The following CHPF variants were observed in gnomAD, a reference collection of about 807,000 sequenced individuals.
CHPF encodes the protein chondroitin polymerizing factor.
Under a neutral mutation model 55.1 loss-of-function variants are expected in CHPF, and 34 were observed. The ratio of observed to expected loss-of-function variants is 0.62; its 90% CI spans 0.47 to 0.82. The LOEUF is 0.82. Among genes scored for constraint, CHPF ranks in the 40% least tolerant of loss-of-function variants. The pLI is 0.00. For synonymous variants in CHPF, 489 were observed against 496.6 expected (o/e 0.98, Z 0.20); for missense variants, 961 against 1,106.1 (o/e 0.87, Z 1.86).
chr2:219,539,381 G>A lies in CHPF; in HGVS notation c.*2C>T, dbSNP rs1291345029. The A allele has an allele frequency of 5.0e-6, 8 of 1,592,618 alleles. No homozygotes were observed. The highest frequency in any genetic ancestry group is 6.9e-6 in the Non-Finnish European group (8 of 1,165,380). On this transcript the variant is annotated 3_prime_UTR_variant, in exon 4 of 4. Coordinates refer to ENST00000243776, the MANE Select transcript of CHPF (RefSeq NM_024536.6). Reference sequence around the variant, plus strand: ...GCCACGGCCCACGGGGACAGGGTGGGGTCAGGTGCTGTTGCCCTGCTCCTG... The same window carrying A: ...GCCACGGCCCACGGGGACAGGGTGGAGTCAGGTGCTGTTGCCCTGCTCCTG...
At chr2:219,542,782 CATT>C in intron 1 of CHPF, 1 of 368,826 alleles carries the variant, frequency 2.7e-6, no homozygotes, top group Non-Finnish European at 3.8e-6. Flanking sequence ...TCAGCAGAGA[CATT>C]AATGAGATAG....
Position 219,541,738 on chromosome 2 carries a change from G to A in CHPF, c.766C>T (p.Leu256=). 3 of 1,610,744 alleles carry A rather than the reference G, an allele frequency of 1.9e-6. No individual in the cohort carries two copies. The highest frequency in any genetic ancestry group is 2.5e-6 in the Non-Finnish European group (3 of 1,178,616). ...TCCAGGTGGGGGCGCAGTTGTTGCA[G>A]CAGCATGCGCGACAGCAGCACCCCA... ...GFGVLLSRML[L]QQLRPHLEGC... is the part of the protein sequence containing the mutation. The change falls in exon 2 of 4, where the codon CTG becomes TTG. Residue 256 remains leucine, a synonymous_variant. Coordinates refer to ENST00000243776, the MANE Select transcript of CHPF (RefSeq NM_024536.6).
chr2:219,543,694 C>A lies in CHPF; in HGVS notation c.-156G>T, dbSNP rs933902671. On this transcript the variant is annotated 5_prime_UTR_variant, in exon 1 of 4. Transcript: ENST00000243776. ...GCAGAGCAGAGCCAGCGGCCCGAGC[C>A]GAATCCCCGGAGCCGCGCCTCGATT... is the stretch of plus-strand genomic sequence containing the variant. 1 of 488,546 alleles carries A rather than the reference C, an allele frequency of 2.0e-6. No individual in the cohort carries two copies. The highest frequency in any genetic ancestry group is 3.3e-6 in the Non-Finnish European group (1 of 298,926). 30.3% of individuals were successfully genotyped at this position (488,546 alleles called of 1,614,324 possible).
chr2:219,539,986 C>G lies in CHPF; in HGVS notation c.1725G>C (p.Arg575=). The G allele has an allele frequency of 1.9e-6, 3 of 1,613,700 alleles. No individual in the cohort carries two copies. Among genetic ancestry groups the G allele is most frequent in the Non-Finnish European group, 2.5e-6 (3 of 1,179,952 alleles). Residue 575 remains arginine, a synonymous_variant, in exon 4 of 4, where the codon CGG becomes CGC. Transcript: ENST00000243776. The part of the protein sequence containing the change: ...PVKAHVAELE[R]RFPGARVPWL... Reference sequence around the variant, plus strand: ...ATGGCACCCGGGCACCGGGGAAACGCCGCTCCAGCTCTGCCACGTGGGCCT... The same window carrying G: ...ATGGCACCCGGGCACCGGGGAAACGGCGCTCCAGCTCTGCCACGTGGGCCT...
Position 219,540,280 on chromosome 2 carries a change from G to A in CHPF, c.1431C>T (p.Gly477=). ...GCACTCGGCGAGTGAGGGGCCGGCG[G>A]CCTCCCTGGGGGGTCAGTGCCTCCA... ...LQLEALTPQG[G]RRPLTRRVQL... is the part of the protein sequence containing the mutation. Residue 477 remains glycine (G), a synonymous_variant, in exon 4 of 4, where the codon GGC becomes GGT. Transcript: ENST00000243776. 2 of 1,613,820 alleles carry A rather than the reference G, an allele frequency of 1.2e-6. No individual in the cohort carries two copies. Among genetic ancestry groups the A allele is most frequent in the Non-Finnish European group, 1.7e-6 (2 of 1,179,896 alleles).
intron 3 of CHPF, 48 bp downstream of exon 3, chr2:219,540,898 C>T: frequency 1.3e-6 from 2 of 1,594,216 alleles, no homozygotes; most frequent in East Asian, 2.2e-5. Context: ...TCTGTGACTT[C>T]TCAGATCCTG....
At position 219,540,351 on chromosome 2, in the gene CHPF, G is replaced by A. The variant is rs11556306; in HGVS notation, c.1360C>T (p.Arg454Cys). 180 of 1,613,876 alleles carry A rather than the reference G, an allele frequency of 1.1e-4. No individual in the cohort carries two copies. Among genetic ancestry groups the A allele is most frequent in the Non-Finnish European group, 1.4e-4 (165 of 1,180,004 alleles). The change falls in exon 4 of 4, where the codon CGC (arginine) becomes TGC (cysteine). Residue 454 changes from arginine (R) to cysteine (C), a missense_variant. Arg to Cys is a radical substitution (Grantham distance 180). This residue lies in a region of CHPF where 936 missense variants were observed against 1,058.4 expected (regional missense o/e 0.88). Transcript: ENST00000243776. ...TCCATACCCCGGGCCGGATCAAAGC[G>A]TCGGTAGCCATTCACCAGCTGCTGC... ...QKQQLVNGYR[R>C]FDPARGMEYT...
rs757201388 is a variant in CHPF, at chr2:219,541,802, G to A, written c.702C>T (p.Gly234=). Residue 234 remains glycine, a synonymous_variant, in exon 2 of 4, where the codon GGC becomes GGT. Transcript: ENST00000243776. ...AGTAGCGGCCGGGGGTGGGCTCTCC[G>A]CCGATGAAGTCCTGGGGCCGGCCCA... is the stretch of plus-strand genomic sequence containing the variant. ...LYLGRPQDFI[G]GEPTPGRYCH... 8.1e-6 allele frequency: 13 copies of A among 1,606,618 alleles called. No homozygotes were observed. The highest frequency in any genetic ancestry group is 4.4e-5 in the South Asian group (4 of 90,372).
chr2:219,542,826 A>T (rs1362959733), intron 1 of CHPF: 2 of 845,198 alleles, frequency 2.4e-6, no homozygotes, highest in African/African-American at 3.6e-5. Context: ...TCTCACCCTG[A>T]GGTGGCCCTT....
intron 2 of CHPF, chr2:219,541,409 A>G: frequency 1.8e-6 from 1 of 561,036 alleles, no homozygotes; most frequent in Non-Finnish European, 3.0e-6. Context: ...TAATCCTTGT[A>G]ACAACCCCGA....
intron 1 of CHPF, 46 bp from the exon 2 acceptor site, chr2:219,542,235 G>T: frequency 3.2e-6 from 1 of 312,182 alleles, no homozygotes. Flanking sequence ...CAACGGGGCG[G>T]GGGGTGGGGG....
Position 219,543,298 on chromosome 2 carries a change from C to T in CHPF, c.241G>A (p.Gly81Arg). The change falls in exon 1 of 4, where the codon GGG (glycine) becomes AGG (arginine). Residue 81 changes from glycine to arginine, a missense_variant. Transcript: ENST00000243776. Reference protein sequence around the residue: ...REKPGAGEGAGENWEPRVLPY... With the variant: ...REKPGAGEGARENWEPRVLPY... ...AAGACGCGCGGCTCCCAATTCTCCCCGGCGCCTTCGCCGGCCCCGGGCTTC... is the reference window on the plus strand; with the variant it reads ...AAGACGCGCGGCTCCCAATTCTCCCTGGCGCCTTCGCCGGCCCCGGGCTTC... The T allele has an allele frequency of 6.4e-7, 1 of 1,573,882 alleles. No homozygotes were observed. The highest frequency in any genetic ancestry group is 8.5e-7 in the Non-Finnish European group (1 of 1,169,620).
In CHPF at chr2:219,540,424, A is replaced by C. The variant is rs1695244746; in HGVS notation, c.1287T>G (p.Ala429=). 1 of 1,613,424 alleles carries C rather than the reference A, an allele frequency of 6.2e-7. No individual in the cohort carries two copies. The highest frequency in any genetic ancestry group is 1.3e-5 in the African/African-American group (1 of 75,020). ...RADVADVLGT[A]LEELNRRYHP... ...GGTAGCGGCGGTTCAGCTCCTCTAG[A>C]GCTGTCCCCAGAACATCGGCCACAT... The change falls in exon 4 of 4, where the codon GCT becomes GCG. Residue 429 remains alanine (A), a synonymous_variant. Transcript: ENST00000243776.
chr2:219,540,650 A>T lies in CHPF; in HGVS notation c.1069-8T>A, dbSNP rs1695251657. The T allele has an allele frequency of 1.3e-6, 2 of 1,582,452 alleles. No homozygotes were observed. The highest frequency in any genetic ancestry group is 1.3e-5 in the African/African-American group (1 of 74,686). On this transcript the variant is annotated splice_polypyrimidine_tract_variant and splice_region_variant and intron_variant, in intron 3 of 3. Coordinates refer to ENST00000243776, the MANE Select transcript of CHPF (RefSeq NM_024536.6). ...GGTATTCTGGATCTCCCACTGGATC[A>T]GAGAAACAGGCCATCAGCAAGGGAC... is the stretch of plus-strand genomic sequence containing the variant.
chr2:219,540,611 A>G lies in CHPF; in HGVS notation c.1100T>C (p.Val367Ala). The G allele has an allele frequency of 1.9e-6, 3 of 1,607,608 alleles. No homozygotes were observed. The South Asian group carries it at 3.3e-5, about 18-fold the overall frequency. Residue 367 changes from valine to alanine, a missense_variant, in exon 4 of 4, where the codon GTT (valine) becomes GCT (alanine). Val to Ala is a moderately conservative substitution (Grantham distance 64, BLOSUM62 0). Around this residue, in one of 3 missense-constraint regions of CHPF, gnomAD observed 936 missense variants for 1,058.4 expected, o/e 0.88. Transcript: ENST00000243776. ...CCAAGCAGCTGCCTGGTCCCCATCA[A>G]CGGCCAGATGGCTGGTATTCTGGAT... ...WEIQNTSHLAVDGDQAAAWPV... is the reference protein window; with the variant it reads ...WEIQNTSHLAADGDQAAAWPV...
At position 219,542,371 on chromosome 2, in the gene CHPF, C is replaced by T. The variant is rs570337446; in HGVS notation, c.315-182G>A. ...AGGATTTAAACGAAATGGTCTTAAA[C>T]AGGTAGTGCTTTGCATTTGGGAGAT... On this transcript the variant is annotated intron_variant, in intron 1 of 3. Coordinates refer to ENST00000243776, the MANE Select transcript of CHPF (RefSeq NM_024536.6). Among the ~76,000 whole-genome samples, 75 of 152,290 alleles carry T rather than the reference C, an allele frequency of 4.9e-4. No homozygotes were observed. In the South Asian group the frequency reaches 0.015, roughly 30 times the overall value.
rs1695260620 is a variant in CHPF at position 219,541,080 on chromosome 2, G to T, written c.934C>A (p.Gln312Lys). ...HLELSPGEPV[Q>K]EGDPHFRSAL... The stretch of plus-strand genomic sequence containing the variant: ...CTTCGGAAATGAGGGTCCCCCTCCT[G>T]CACTGGCTCCCCAGGGCTCAGCTCC... The change falls in exon 3 of 4, where the codon CAG becomes AAG. Residue 312 changes from glutamine to lysine, a missense_variant. Gln to Lys is a moderately conservative substitution (Grantham distance 53). Transcript: ENST00000243776. 6.2e-7 allele frequency: 1 copy of T among 1,613,022 alleles called. No individual in the cohort carries two copies.
chr2:219,539,348 G>T lies in CHPF; in HGVS notation c.*35C>A, dbSNP rs1336691617. On this transcript the variant is annotated 3_prime_UTR_variant, in exon 4 of 4. Coordinates refer to ENST00000243776, the MANE Select transcript of CHPF (RefSeq NM_024536.6). The stretch of plus-strand genomic sequence containing the variant: ...TTTTGGGGGAGAAGTGGGGTGGGGT[G>T]TGGCCATGCCACGGCCCACGGGGAC... The T allele has an allele frequency of 6.4e-7, 1 of 1,551,682 alleles. No homozygotes were observed. The highest frequency in any genetic ancestry group is 2.3e-5 in the East Asian group (1 of 44,094).
In CHPF at chr2:219,540,987, C is replaced by T. The variant is rs1180318931; in HGVS notation, c.1027G>A (p.Ala343Thr). 6.2e-7 allele frequency: 1 copy of T among 1,613,928 alleles called. No homozygotes were observed. Among genetic ancestry groups the T allele is most frequent in the African/African-American group, 1.3e-5 (1 of 74,920 alleles). ...TCCTGGTACGTGCGTTCCAGTTCAG[C>T]TCGGGCGAAAGCTTTGTGCAGCTGG... ...MYQLHKAFAR[A>T]ELERTYQEIQ... Residue 343 changes from alanine (A) to threonine (T), a missense_variant, in exon 3 of 4, where the codon GCT becomes ACT. This residue lies in a region of CHPF where 936 missense variants were observed against 1,058.4 expected (regional missense o/e 0.88). Coordinates refer to ENST00000243776, the MANE Select transcript of CHPF (RefSeq NM_024536.6).
Sources: gnomAD v4.1 joint callset for allele counts (sites outside exome capture counted in the v4.1 genomes callset) on GRCh38, gnomAD v4.1.1 for gene constraint, gnomAD v4.1.1 regional missense constraint, MANE v1.5 for transcripts, NCBI Gene and HGNC (gene_info 2026-07-23, HGNC 2026-07-21) for gene names.